The following GRM8 variants were observed in gnomAD, a reference collection of about 807,000 sequenced individuals.
The protein encoded by GRM8 is glutamate metabotropic receptor 8.
In GRM8, 47 loss-of-function variants were observed where a neutral mutation model predicts 87.2. That is an observed-to-expected ratio of 0.54 (90% CI 0.43 to 0.69). GRM8 has a LOEUF of 0.69. Among genes scored for constraint, GRM8 ranks in the 30% least tolerant of loss-of-function variants. The probability of loss-of-function intolerance (pLI) is 0.00; values close to 1 mark genes in which losing one functional copy is unlikely to be tolerated. For missense variants in GRM8, 1,019 were observed against 1,139.2 expected, an observed-to-expected ratio of 0.89 and a Z score of 1.52; for synonymous variants, 396 against 404.5, an observed-to-expected ratio of 0.98 and a Z score of 0.25.
At chr7:126,903,231 C>A (rs1054465565) in intron 5 of GRM8, among the ~76,000 whole-genome samples, 3 of 152,014 alleles carry the variant, frequency 2.0e-5, no homozygotes, top group African/African-American at 7.2e-5. Flanking sequence ...TGAAGGGAGA[C>A]CCCCTGGAAA....
intron 7 of GRM8, among the ~76,000 whole-genome samples, chr7:126,629,699 C>A (rs1337296684): frequency 2.0e-5 from 3 of 151,992 alleles, no homozygotes; most frequent in Admixed American, 6.6e-5. Context: ...TTATAATGGA[C>A]CTGATTTTCT....
intron 2 of GRM8, among the ~76,000 whole-genome samples, chr7:127,127,979 ATATCT>A (rs2133210556): frequency 6.6e-6 from 1 of 152,164 alleles, no homozygotes; most frequent in East Asian, 1.9e-4. Flanking sequence ...GCGTCTTGAC[ATATCT>A]TATCTCCACT....
intron 7 of GRM8, among the ~76,000 whole-genome samples, chr7:126,751,282 T>C (rs1184426036): frequency 2.2e-5 from 3 of 137,336 alleles, no homozygotes; most frequent in Non-Finnish European, 5.0e-5. Flanking sequence ...CTTTTTTGTA[T>C]GGCTTCTTTT....
chr7:126,454,429 T>C (rs1327534807), intron 9 of GRM8, among the ~76,000 whole-genome samples: 6 of 151,626 alleles, frequency 4.0e-5, no homozygotes, highest in Admixed American at 3.9e-4. Context: ...TCTATAACCC[T>C]TTTTAAAGAC....
intron 2 of GRM8, among the ~76,000 whole-genome samples, chr7:127,205,514 G>A (rs1795856130): frequency 6.6e-6 from 1 of 152,030 alleles, no homozygotes; most frequent in Non-Finnish European, 1.5e-5. Context: ...CTCCTTGTGG[G>A]GCAGGTAAGA....
At chr7:126,891,512 G>T (rs1256321809) in intron 6 of GRM8, among the ~76,000 whole-genome samples, 3 of 151,900 alleles carry the variant, frequency 2.0e-5, no homozygotes, top group Non-Finnish European at 4.4e-5. Context: ...TCTGTCCCTT[G>T]CCTAGGTCTC....
At chr7:126,572,098 G>A (rs1181914141) in intron 8 of GRM8, among the ~76,000 whole-genome samples, 4 of 152,238 alleles carry the variant, frequency 2.6e-5, no homozygotes, top group African/African-American at 9.6e-5. Context: ...AAGATAAAAC[G>A]AAACTCTCTG....
intron 8 of GRM8, among the ~76,000 whole-genome samples, chr7:126,561,638 TA>T (rs1175302705): frequency 1.3e-5 from 2 of 151,766 alleles, no homozygotes; most frequent in African/African-American, 4.8e-5. Context: ...ATTTAATTAT[TA>T]TTATACTTTA....
intron 7 of GRM8, among the ~76,000 whole-genome samples, chr7:126,664,364 T>C (rs949999123): frequency 3.3e-5 from 5 of 152,164 alleles, no homozygotes; most frequent in South Asian, 2.1e-4. Flanking sequence ...GCCAGGGGCA[T>C]TGCATTATTC....
intron 8 of GRM8, among the ~76,000 whole-genome samples, chr7:126,546,384 A>G (rs1371908307): frequency 2.0e-5 from 3 of 152,186 alleles, no homozygotes; most frequent in Admixed American, 6.5e-5. Flanking sequence ...ATGACCAATA[A>G]TAGGTAGCCA....
At chr7:126,776,270 C>T (rs1819458773) in intron 6 of GRM8, among the ~76,000 whole-genome samples, 1 of 151,960 alleles carries the variant, frequency 6.6e-6, no homozygotes, top group South Asian at 2.1e-4. Flanking sequence ...GAAGTGAAAA[C>T]AAAGGAATGA....
At chr7:126,653,299 C>CAAAA (rs1379449351) in intron 7 of GRM8, among the ~76,000 whole-genome samples, 1 of 43,460 alleles carries the variant, frequency 2.3e-5, no homozygotes, top group South Asian at 9.2e-4. Flanking sequence ...GATCCTGTCT[C>CAAAA]CAAAAAAAAA....
Position 127,225,452 on chromosome 7 carries a change from A to G in GRM8, c.510+17243T>C, listed in dbSNP as rs190197293. Among the ~76,000 whole-genome samples, 908 of 151,520 alleles carry G rather than the reference A, an allele frequency of 6.0e-3. 11 individuals carry two copies. Among genetic ancestry groups the G allele is most frequent in the African/African-American group, 0.021 (880 of 41,106 alleles). ...ATTTGCACTCTGTTTACAAAAAGCC[A>G]AAAGCTATGCTTTGTGTGCAACCTA... On this transcript the variant is annotated intron_variant, in intron 2 of 10. Transcript: ENST00000339582.
intron 6 of GRM8, among the ~76,000 whole-genome samples, chr7:126,786,224 A>C (rs976949176): frequency 3.3e-5 from 5 of 152,210 alleles, no homozygotes; most frequent in Non-Finnish European, 7.3e-5. Flanking sequence ...CACAGGACAC[A>C]AGTCACTTAA....
chr7:126,842,709 G>A (rs938627629), intron 6 of GRM8, among the ~76,000 whole-genome samples: 3 of 152,262 alleles, frequency 2.0e-5, no homozygotes, highest in African/African-American at 7.2e-5. Context: ...AGACTCCATT[G>A]GTCATTGCTG....
At chr7:127,232,730 T>A (rs1199043585) in intron 2 of GRM8, among the ~76,000 whole-genome samples, 2 of 152,112 alleles carry the variant, frequency 1.3e-5, no homozygotes, top group African/African-American at 4.8e-5. Flanking sequence ...ATAACAAACA[T>A]TTATGGTGCC....
At chr7:126,942,320 C>A (rs1329915284) in intron 3 of GRM8, among the ~76,000 whole-genome samples, 1 of 152,094 alleles carries the variant, frequency 6.6e-6, no homozygotes, top group Non-Finnish European at 1.5e-5. Flanking sequence ...TTTTTCCATT[C>A]TGCATGTCTT....
intron 8 of GRM8, among the ~76,000 whole-genome samples, chr7:126,561,041 C>G (rs1384078016): frequency 6.6e-6 from 1 of 152,194 alleles, no homozygotes; most frequent in African/African-American, 2.4e-5. Flanking sequence ...AGACACACTA[C>G]ATGGTCTACT....
intron 2 of GRM8, among the ~76,000 whole-genome samples, chr7:127,207,707 TG>T (rs1437347771): frequency 6.6e-6 from 1 of 152,144 alleles, no homozygotes; most frequent in Non-Finnish European, 1.5e-5. Flanking sequence ...CACGGTGCGA[TG>T]GGAAGCCAGA....
Sources: gnomAD v4.1 joint callset for allele counts (sites outside exome capture counted in the v4.1 genomes callset) on GRCh38, gnomAD v4.1.1 for gene constraint, MANE v1.5 for transcripts, NCBI Gene and HGNC (gene_info 2026-07-23, HGNC 2026-07-21) for gene names.